PAWR: variants seen among roughly 807,000 people sequenced by gnomAD.
PAWR encodes the protein PRKC apoptosis WT1 regulator protein.
PAWR carries 23 observed loss-of-function variants against 32.0 expected under a neutral mutation model. The ratio of observed to expected loss-of-function variants is 0.72; its 90% CI spans 0.52 to 1.02. The LOEUF (loss-of-function observed/expected upper bound fraction) is 1.02. Among genes scored for constraint, PAWR ranks in the 50% least tolerant of loss-of-function variants. The pLI is 0.00. For missense variants in PAWR, 457 were observed against 437.7 expected (o/e 1.04, Z -0.39); for synonymous variants, 226 against 187.1 (o/e 1.21, Z -1.70).
rs1053532620 is a variant in PAWR at position 79,591,781 on chromosome 12, A to AT, written c.*825dup. The AT allele has an allele frequency of 1.3e-5, 2 of 152,120 alleles. No individual in the cohort carries two copies. Among genetic ancestry groups the AT allele is most frequent in the African/African-American group, 2.4e-5 (1 of 41,402 alleles). 9.4% of individuals were successfully genotyped at this position (152,120 alleles called of 1,614,324 possible). On this transcript the variant is annotated 3_prime_UTR_variant, in exon 7 of 7. Transcript: ENST00000328827. ...TGTGCATGCTAATATAAAAATATGG[A>AT]TTTTTTTCTCCTACACTGACTTTGT...
In PAWR at chr12:79,665,221, A is replaced by G. The variant is rs540744368; in HGVS notation, c.516+24508T>C. Among the ~76,000 whole-genome samples the G allele has an allele frequency of 6.0e-4, 91 of 152,326 alleles. 1 individual carries two copies. The highest frequency in any genetic ancestry group is 2.1e-3 in the African/African-American group (87 of 41,588). On this transcript the variant is annotated intron_variant, in intron 2 of 6. Coordinates refer to ENST00000328827, the MANE Select transcript of PAWR (RefSeq NM_002583.4). ...TACTTTTCTTATAGTCTACAAATAC[A>G]TAACTAAAACAGATATCTTCAAACC...
In PAWR at chr12:79,622,569, GT is replaced by G. The variant is rs550149657; in HGVS notation, c.517-1363del. ...GAGAATATGCAGTGATTGGTTTTCT[GT>G]CCTTGTGATAGTTTGCTCAGAATGA... On this transcript the variant is annotated intron_variant, in intron 2 of 6. Transcript: ENST00000328827. Among the ~76,000 whole-genome samples, 7 of 152,146 alleles carry G rather than the reference GT, an allele frequency of 4.6e-5. No homozygotes were observed. In the South Asian group the frequency reaches 1.5e-3, roughly 32 times the overall value.
intron 2 of PAWR, chr12:79,632,308 CATACATATATATATAT>C (rs1875688775): frequency 4.0e-5 from 1 of 25,166 alleles, no homozygotes; most frequent in Non-Finnish European, 6.0e-5. Flanking sequence ...TATATATATA[CATACATATATATATAT>C]ATATATATAT....
At position 79,689,911 on chromosome 12, in the gene PAWR, G is replaced by T. The variant is rs760884053; in HGVS notation, c.334C>A (p.Pro112Thr). Residue 112 changes from proline (P) to threonine (T), a missense_variant, in exon 2 of 7, where the codon CCC becomes ACC. Coordinates refer to ENST00000328827, the MANE Select transcript of PAWR (RefSeq NM_002583.4). ...APGPRRSEDE[P>T]PAASASAAPP... ...GCAGCCGAGGCAGAGGCGGCTGGGG[G>T]CTCGTCCTCCGACCGCCGCGGGCCG... The T allele has an allele frequency of 6.2e-6, 9 of 1,459,716 alleles. No homozygotes were observed. The African/African-American group carries it at 1.0e-4, about 17-fold the overall frequency. The allele number at this position is 1,459,716 out of a possible 1,614,324, so 90.4% of individuals were successfully genotyped here. A position where few individuals can be genotyped will look rare whatever the true frequency, so the allele number is the denominator to read the frequency against.
chr12:79,652,633 T>C (rs1247698914), intron 2 of PAWR, among the ~76,000 whole-genome samples: 1 of 152,220 alleles, frequency 6.6e-6, no homozygotes. Context: ...AAACTGCTCC[T>C]AAAATGTATT....
chr12:79,634,297 T>TA (rs1566011977), intron 2 of PAWR, among the ~76,000 whole-genome samples: 3 of 152,088 alleles, frequency 2.0e-5, no homozygotes, highest in African/African-American at 7.2e-5. Context: ...TTTTCTTTTT[T>TA]AAAAAAATAA....
At chr12:79,611,385 ATT>A (rs1474888971) in intron 4 of PAWR, among the ~76,000 whole-genome samples, 1 of 150,380 alleles carries the variant, frequency 6.6e-6, no homozygotes, top group African/African-American at 2.4e-5. Context: ...TACTGAAAAT[ATT>A]TTCTTACATG....
chr12:79,614,942 T>C (rs1396619407), intron 3 of PAWR, among the ~76,000 whole-genome samples: 1 of 152,230 alleles, frequency 6.6e-6, no homozygotes, highest in Admixed American at 6.5e-5. Flanking sequence ...CAGTGTCTAC[T>C]GATCTCTAAA....
intron 2 of PAWR, among the ~76,000 whole-genome samples, chr12:79,633,329 C>T (rs1875804761): frequency 6.6e-6 from 1 of 151,762 alleles, no homozygotes; most frequent in Admixed American, 6.6e-5. Flanking sequence ...TTAAAAATGA[C>T]CAAAAATGTG....
chr12:79,592,672 C>T lies in PAWR; in HGVS notation c.958G>A (p.Glu320Lys), dbSNP rs777514213. Residue 320 changes from glutamate (E) to lysine (K), a missense_variant, in exon 7 of 7, where the codon GAA becomes AAA. Coordinates refer to ENST00000328827, the MANE Select transcript of PAWR (RefSeq NM_002583.4). ...TTTTCCTGCTTTAGCTGTTCATTTT[C>T]ATCTTCTATGTCATCTAGGTCCTTA... ...LNRDLDDIED[E>K]NEQLKQENKT... The T allele has an allele frequency of 2.0e-5, 15 of 763,776 alleles. No homozygotes were observed. Among genetic ancestry groups the T allele is most frequent in the Non-Finnish European group, 3.4e-5 (14 of 414,416 alleles). The allele number at this position is 763,776 out of a possible 1,614,324, so 47.3% of individuals were successfully genotyped here. A position where few individuals can be genotyped will look rare whatever the true frequency, so the allele number is the denominator to read the frequency against.
Position 79,669,628 on chromosome 12 carries a change from G to GA in PAWR, c.516+20100dup, listed in dbSNP as rs200144078. Among the ~76,000 whole-genome samples, 711 of 151,834 alleles carry GA rather than the reference G, an allele frequency of 4.7e-3. 13 individuals carry two copies. The highest frequency in any genetic ancestry group is 0.016 in the African/African-American group (676 of 41,452). The stretch of plus-strand genomic sequence containing the variant: ...AATTCTCAAGTGTTCTTTAAAAAAA[G>GA]AAAAAAATCAAATGATACATGGAAA... On this transcript the variant is annotated intron_variant, in intron 2 of 6. Coordinates refer to ENST00000328827, the MANE Select transcript of PAWR (RefSeq NM_002583.4).
chr12:79,689,618 G>C (rs1878867552), intron 2 of PAWR, 111 bp downstream of exon 2: 9 of 1,226,648 alleles, frequency 7.3e-6, no homozygotes, highest in Non-Finnish European at 8.9e-6. Flanking sequence ...GAAGGGACAA[G>C]TACGAGCCAG....
chr12:79,627,292 T>C (rs1875381021), intron 2 of PAWR, among the ~76,000 whole-genome samples: 1 of 152,226 alleles, frequency 6.6e-6, no homozygotes. Context: ...CTAACTGGCA[T>C]GAGATGGTAT....
chr12:79,661,840 G>A (rs1224664308), intron 2 of PAWR, among the ~76,000 whole-genome samples: 1 of 151,878 alleles, frequency 6.6e-6, no homozygotes, highest in Non-Finnish European at 1.5e-5. Context: ...CAGAGTTCAG[G>A]GAATTATAAT....
chr12:79,600,412 T>C (rs539568064), intron 4 of PAWR, among the ~76,000 whole-genome samples: 2 of 152,038 alleles, frequency 1.3e-5, no homozygotes, highest in South Asian at 4.2e-4. Flanking sequence ...TTTTAAATTA[T>C]TTATGGGACG....
rs1218132899 is a variant in PAWR at position 79,587,023 on chromosome 12, T to C, written c.*5584A>G. The C allele has an allele frequency of 6.6e-6, 1 of 152,072 alleles. No homozygotes were observed. The highest frequency in any genetic ancestry group is 1.5e-5 in the Non-Finnish European group (1 of 67,968). 9.4% of individuals were successfully genotyped at this position (152,072 alleles called of 1,614,324 possible). ...AAATGAGATTAAGAAAATATGTGGGTAGTTTACAGCTGCTGATAGAATTGT... is the reference window on the plus strand; with the variant it reads ...AAATGAGATTAAGAAAATATGTGGGCAGTTTACAGCTGCTGATAGAATTGT... On this transcript the variant is annotated 3_prime_UTR_variant, in exon 7 of 7. Transcript: ENST00000328827.
intron 4 of PAWR, among the ~76,000 whole-genome samples, chr12:79,601,572 T>C (rs1425034887): frequency 6.6e-6 from 1 of 152,138 alleles, no homozygotes; most frequent in South Asian, 2.1e-4. Context: ...TACATACCCA[T>C]GTTGGTATCT....
chr12:79,632,355 A>ATTTTTTTT (rs1566011179), intron 2 of PAWR, among the ~76,000 whole-genome samples: 1 of 17,802 alleles, frequency 5.6e-5, no homozygotes, highest in South Asian at 1.3e-3. Flanking sequence ...ATATATATAT[A>ATTTTTTTT]TATATATTTT....
rs368775908 is a variant in PAWR at position 79,625,739 on chromosome 12, G to A, written c.517-4532C>T. 1.3e-4 allele frequency among the ~76,000 whole-genome samples: 20 copies of A among 152,086 alleles called. No individual in the cohort carries two copies. In the East Asian group the frequency reaches 3.3e-3, roughly 25 times the overall value. On this transcript the variant is annotated intron_variant, in intron 2 of 6. Transcript: ENST00000328827. ...GGAGGCTAAGGCAGGAGAATGTCGCGAACGCGGGAGGCAGAGCTTGCAGTG... is the reference window on the plus strand; with the variant it reads ...GGAGGCTAAGGCAGGAGAATGTCGCAAACGCGGGAGGCAGAGCTTGCAGTG...
Sources: gnomAD v4.1 joint callset for allele counts (sites outside exome capture counted in the v4.1 genomes callset) on GRCh38, gnomAD v4.1.1 for gene constraint, MANE v1.5 for transcripts, NCBI Gene and HGNC (gene_info 2026-07-23, HGNC 2026-07-21) for gene names.